Variants in WDR87 observed in about 807,000 individuals in gnomAD.
WDR87 encodes the protein WD repeat domain 87, also known as WD repeat-containing protein 87.
In WDR87, 56 loss-of-function variants were observed where a neutral mutation model predicts 83.3. The ratio of observed to expected loss-of-function variants is 0.67; its 90% CI spans 0.54 to 0.84. The LOEUF (loss-of-function observed/expected upper bound fraction) is 0.84. WDR87 is among the 40% of genes least tolerant of loss of function. The probability of loss-of-function intolerance (pLI) is 0.00; values close to 1 mark genes in which losing one functional copy is unlikely to be tolerated. For missense variants in WDR87, 2,939 were observed against 3,431.9 expected, an observed-to-expected ratio of 0.86 and a Z score of 3.59; for synonymous variants, 1,173 against 1,250.6, an observed-to-expected ratio of 0.94 and a Z score of 1.31.
At chr19:37,901,432 A>G (rs2046293212) in intron 1 of WDR87, among the ~76,000 whole-genome samples, 1 of 151,956 alleles carries the variant, frequency 6.6e-6, no homozygotes, top group Non-Finnish European at 1.5e-5. Flanking sequence ...CTCCATCTCA[A>G]AAACAAAACA....
intron 1 of WDR87, among the ~76,000 whole-genome samples, chr19:37,904,596 G>C (rs2046312320): frequency 6.6e-6 from 1 of 151,380 alleles, no homozygotes; most frequent in Non-Finnish European, 1.5e-5. Flanking sequence ...CTGACCTCAA[G>C]TGATCCGCCC....
Position 37,896,250 on chromosome 19 carries a change from A to C in WDR87, c.134T>G (p.Leu45Arg). 1 of 1,552,106 alleles carries C rather than the reference A, an allele frequency of 6.4e-7. No homozygotes were observed. Among genetic ancestry groups the C allele is most frequent in the South Asian group, 1.2e-5 (1 of 84,058 alleles). The change falls in exon 3 of 6, where the codon CTG becomes CGG. Residue 45 changes from leucine to arginine, a missense_variant. By Grantham distance (102) the Leu-to-Arg change is moderately radical. Transcript: ENST00000447313. ...TTGAGGATAGCGAGACTCTTTGAAC[A>C]GTACCTGGGACCGGTCACTCAGCAC... ...LIVLSDRSQVLFKESRYPQNM... is the reference protein window; with the variant it reads ...LIVLSDRSQVRFKESRYPQNM...
chr19:37,892,743 A>G lies in WDR87; in HGVS notation c.2960T>C (p.Leu987Pro). ...GGCAAAAAGATGAGTAATCATTCCT[A>G]GACGCTTCAGCCCTTCCCAAGCTAG... ...RELAWEGLKR[L>P]GMITHLFAMP... The change falls in exon 4 of 6, where the codon CTA becomes CCA. Residue 987 changes from leucine (L) to proline (P), a missense_variant. Coordinates refer to ENST00000447313, the MANE Select transcript of WDR87 (RefSeq NM_001291088.2). 1 of 1,551,748 alleles carries G rather than the reference A, an allele frequency of 6.4e-7. No individual in the cohort carries two copies. The highest frequency in any genetic ancestry group is 8.7e-7 in the Non-Finnish European group (1 of 1,147,016).
rs568205239 is a variant in WDR87, at chr19:37,894,178, G to A, written c.1525C>T (p.Leu509Phe). Residue 509 changes from leucine to phenylalanine, a missense_variant, in exon 4 of 6, where the codon CTC becomes TTC. Transcript: ENST00000447313. ...AAAATCCCTCCAGACAGCGTGGAGA[G>A]TGCCAGTACAGCGCCAAAGTGCATG... ...KFMHFGAVLALSTLSGGIFGG... is the reference protein window; with the variant it reads ...KFMHFGAVLAFSTLSGGIFGG... 1.9e-6 allele frequency: 3 copies of A among 1,552,348 alleles called. No homozygotes were observed. Among genetic ancestry groups the A allele is most frequent in the Admixed American group, 2.0e-5 (1 of 51,006 alleles).
At position 37,894,745 on chromosome 19, in the gene WDR87, G is replaced by T. The variant is rs751037412; in HGVS notation, c.958C>A (p.Arg320=). 6.4e-7 allele frequency: 1 copy of T among 1,551,706 alleles called. No homozygotes were observed. Among genetic ancestry groups the T allele is most frequent in the African/African-American group, 1.4e-5 (1 of 73,150 alleles). Residue 320 remains arginine, a synonymous_variant, in exon 4 of 6, where the codon CGG becomes AGG. Coordinates refer to ENST00000447313, the MANE Select transcript of WDR87 (RefSeq NM_001291088.2). ...TATAGCTCCTCACCAAGCTCTAGCC[G>T]CCGAAGCAGGCTCCCTGAAGTCAGG... ...WNLTSGSLLR[R]LELGEELYRL...
chr19:37,887,511 TCTC>T lies in WDR87; in HGVS notation c.6157_6159del (p.Glu2053del), dbSNP rs771055835. The T allele has an allele frequency of 9.4e-5, 146 of 1,551,954 alleles. No individual in the cohort carries two copies. Among genetic ancestry groups the T allele is most frequent in the Admixed American group, 2.0e-4 (10 of 50,994 alleles). Reference sequence around the variant, plus strand: ...ATCCTGTCTTCATGTAGCAGTATCTTCTCCTCTAGTGACAATTTTCTCTCAAAT... The same window carrying T: ...ATCCTGTCTTCATGTAGCAGTATCTTCTCTAGTGACAATTTTCTCTCAAAT... On this transcript the variant is annotated inframe_deletion, in exon 6 of 6. Transcript: ENST00000447313.
chr19:37,888,811 T>C lies in WDR87; in HGVS notation c.4860A>G (p.Arg1620=). The C allele has an allele frequency of 1.9e-6, 3 of 1,551,764 alleles. No homozygotes were observed. The highest frequency in any genetic ancestry group is 2.7e-5 in the African/African-American group (2 of 73,118). Residue 1620 remains arginine (R), a synonymous_variant, in exon 6 of 6, where the codon CGA becomes CGG. Transcript: ENST00000447313. The part of the protein sequence containing the change: ...EHKWARIHRK[R]ARAEKKRAQE... The stretch of plus-strand genomic sequence containing the variant: ...GGGCTCGTTTTTTTTCAGCTCGGGC[T>C]CGTTTCCTGTGTATTCTGGCCCATT...
In WDR87 at chr19:37,891,779, C is replaced by A. The variant is rs1448525765; in HGVS notation, c.3167G>T (p.Gly1056Val). The A allele has an allele frequency of 6.4e-7, 1 of 1,552,228 alleles. No individual in the cohort carries two copies. Among genetic ancestry groups the A allele is most frequent in the Admixed American group, 2.0e-5 (1 of 50,994 alleles). Residue 1056 changes from glycine (G) to valine (V), a missense_variant, in exon 5 of 6, where the codon GGG (glycine) becomes GTG (valine). Gly to Val is a moderately radical substitution (Grantham distance 109). Around this residue, in one of 3 missense-constraint regions of WDR87, gnomAD observed 2,160 missense variants for 2,533.1 expected, o/e 0.85. Coordinates refer to ENST00000447313, the MANE Select transcript of WDR87 (RefSeq NM_001291088.2). ...IGEEPLDHLL[G>V]MRATDLQILS... ...GATTTGGAGATCTGTGGCCCGCATC[C>A]CCAGTAGATGGTCCAGGGGTTCCTC...
rs375105907 is a variant in WDR87 at position 37,888,693 on chromosome 19, C to T, written c.4978G>A (p.Val1660Met). The change falls in exon 6 of 6, where the codon GTG (valine) becomes ATG (methionine). Residue 1660 changes from valine to methionine, a missense_variant. Physicochemically the swap from Val to Met is conservative, Grantham distance 21. Around this residue, in one of 3 missense-constraint regions of WDR87, gnomAD observed 2,160 missense variants for 2,533.1 expected, o/e 0.85. Coordinates refer to ENST00000447313, the MANE Select transcript of WDR87 (RefSeq NM_001291088.2). ...QEERKLAQAY[V>M]KITQDDREMA... ...TCCCTGTCATCCTGGGTTATTTTCA[C>T]GTATGCCTGGGCCAGTTTTCTCTCT... The T allele has an allele frequency of 1.1e-4, 166 of 1,551,914 alleles. No homozygotes were observed. Among genetic ancestry groups the T allele is most frequent in the South Asian group, 7.9e-4 (66 of 84,044 alleles).
In WDR87 at chr19:37,893,326, G is replaced by T; in HGVS notation, c.2377C>A (p.Gln793Lys). Residue 793 changes from glutamine (Q) to lysine (K), a missense_variant, in exon 4 of 6, where the codon CAA (glutamine) becomes AAA (lysine). Around this residue, in one of 3 missense-constraint regions of WDR87, gnomAD observed 2,160 missense variants for 2,533.1 expected, o/e 0.85. Transcript: ENST00000447313. ...TTGAGTCCATCCCAGCTAGTCAGTT[G>T]TAGCTGGGGAGGAAGCACATAATGG... ...QCHYVLPPQL[Q>K]LTSWDGLNPY... 6.4e-7 allele frequency: 1 copy of T among 1,551,716 alleles called. No homozygotes were observed. The highest frequency in any genetic ancestry group is 1.2e-5 in the South Asian group (1 of 84,058).
Position 37,886,260 on chromosome 19 carries a change from T to C in WDR87, c.7411A>G (p.Thr2471Ala), listed in dbSNP as rs2046143961. 1.3e-6 allele frequency: 2 copies of C among 1,551,598 alleles called. No individual in the cohort carries two copies. The highest frequency in any genetic ancestry group is 1.4e-5 in the African/African-American group (1 of 73,046). ...ATCACTTCTCTTTCTTTATCCATTGTCCCTAAGAATTTCCTGGGTATTTCA... is the reference window on the plus strand; with the variant it reads ...ATCACTTCTCTTTCTTTATCCATTGCCCCTAAGAATTTCCTGGGTATTTCA... ...VVEIPRKFLG[T>A]MDKEREVMGK... Residue 2471 changes from threonine to alanine, a missense_variant, in exon 6 of 6, where the codon ACA (threonine) becomes GCA (alanine). Physicochemically the swap from Thr to Ala is moderately conservative, Grantham distance 58 (BLOSUM62 0). Coordinates refer to ENST00000447313, the MANE Select transcript of WDR87 (RefSeq NM_001291088.2).
rs1446149091 is a variant in WDR87, at chr19:37,885,547, G to C, written c.8124C>G (p.Ala2708=). The change falls in exon 6 of 6, where the codon GCC becomes GCG. Residue 2708 remains alanine (A), a synonymous_variant. Transcript: ENST00000447313. ...GGGCACTTGGAAAAATGTCTCTGGT[G>C]GCAGGATAAAAGTATTGCATTTCCA... ...KEMEMQYFYP[A]TRDIFPSAHA... 1 of 1,551,686 alleles carries C rather than the reference G, an allele frequency of 6.4e-7. No homozygotes were observed. Among genetic ancestry groups the C allele is most frequent in the South Asian group, 1.2e-5 (1 of 84,066 alleles).
In WDR87 at chr19:37,893,933, A is replaced by G; in HGVS notation, c.1770T>C (p.Ser590=). The change falls in exon 4 of 6, where the codon TCT becomes TCC. Residue 590 remains serine, a synonymous_variant. Transcript: ENST00000447313. ...TGAATTTCAAGCCATTCTGTGACCC[A>G]GAGGACAGAAAATCATGGAACTTCC... ...RLWKFHDFLS[S]GSQNGLKFIE... is the part of the protein sequence containing the mutation. 2 of 1,551,936 alleles carry G rather than the reference A, an allele frequency of 1.3e-6. No homozygotes were observed. Among genetic ancestry groups the G allele is most frequent in the Non-Finnish European group, 1.7e-6 (2 of 1,147,042 alleles).
intron 4 of WDR87, 134 bp downstream of exon 4, chr19:37,892,444 A>C (rs2046213837): frequency 1.2e-6 from 1 of 831,488 alleles, no homozygotes; most frequent in Non-Finnish European, 1.8e-6. Flanking sequence ...AAGGATAGTC[A>C]TCTAGGCGTG....
chr19:37,895,637 G>A (rs1033449343), intron 3 of WDR87, among the ~76,000 whole-genome samples, 181 bp from the exon 4 acceptor site: 3 of 151,716 alleles, frequency 2.0e-5, no homozygotes, highest in Non-Finnish European at 2.9e-5. Context: ...GTGTGGTGTC[G>A]GTGCCTGTAA....
At chr19:37,897,985 CT>C (rs2046269542) in intron 2 of WDR87, among the ~76,000 whole-genome samples, 179 bp downstream of exon 2, 1 of 152,128 alleles carries the variant, frequency 6.6e-6, no homozygotes, top group Admixed American at 6.6e-5. Flanking sequence ...TCAAAATGTC[CT>C]TGCGAGAAGT....
chr19:37,893,177 T>G lies in WDR87; in HGVS notation c.2526A>C (p.Leu842=), dbSNP rs374723162. 2 of 1,551,930 alleles carry G rather than the reference T, an allele frequency of 1.3e-6. No homozygotes were observed. Among genetic ancestry groups the G allele is most frequent in the African/African-American group, 2.7e-5 (2 of 73,174 alleles). The change falls in exon 4 of 6, where the codon CTA becomes CTC. Residue 842 remains leucine (L), a synonymous_variant. Transcript: ENST00000447313. Reference sequence around the variant, plus strand: ...GCTGGGGTGCATGCAGGTTGCACTGTAGGTATATTGGGGTGCCCTCTGGCC... The same window carrying G: ...GCTGGGGTGCATGCAGGTTGCACTGGAGGTATATTGGGGTGCCCTCTGGCC... The part of the protein sequence containing the change: ...RLWPEGTPIY[L]QCNLHAPQRE...
upstream of WDR87, chr19:37,906,642 G>T (rs998453545): frequency 6.6e-6 from 1 of 151,980 alleles, no homozygotes; most frequent in Admixed American, 6.5e-5. Context: ...CCCCGCAGCC[G>T]GCGGACTTCC....
In WDR87 at chr19:37,893,016, G is replaced by A; in HGVS notation, c.2687C>T (p.Thr896Ile). 1 of 1,551,772 alleles carries A rather than the reference G, an allele frequency of 6.4e-7. No homozygotes were observed. Among genetic ancestry groups the A allele is most frequent in the Non-Finnish European group, 8.7e-7 (1 of 1,146,992 alleles). ...TGCTCCATCTGTAAGGACACTGTAGGTTACATCCTTGGAAAGTCTCATTTC... is the reference window on the plus strand; with the variant it reads ...TGCTCCATCTGTAAGGACACTGTAGATTACATCCTTGGAAAGTCTCATTTC... ...FLEMRLSKDV[T>I]YSVLTDGANR... The change falls in exon 4 of 6, where the codon ACC becomes ATC. Residue 896 changes from threonine to isoleucine, a missense_variant. Thr to Ile is a moderately conservative substitution (Grantham distance 89, BLOSUM62 -1). Around this residue, in one of 3 missense-constraint regions of WDR87, gnomAD observed 2,160 missense variants for 2,533.1 expected, o/e 0.85. Coordinates refer to ENST00000447313, the MANE Select transcript of WDR87 (RefSeq NM_001291088.2).
Sources: gnomAD v4.1 joint callset for allele counts (sites outside exome capture counted in the v4.1 genomes callset) on GRCh38, gnomAD v4.1.1 for gene constraint, gnomAD v4.1.1 regional missense constraint, MANE v1.5 for transcripts, NCBI Gene and HGNC (gene_info 2026-07-23, HGNC 2026-07-21) for gene names.